MYO5B: variants seen among roughly 807,000 people sequenced by gnomAD.
The protein encoded by MYO5B is unconventional myosin-Vb.
A neutral mutation model predicts 229.3 loss-of-function variants in MYO5B; 143 were observed. The ratio of observed to expected loss-of-function variants is 0.62; its 90% CI spans 0.54 to 0.72. The LOEUF (loss-of-function observed/expected upper bound fraction) is 0.72, where lower values mean the gene tolerates loss of function less well. MYO5B is among the 30% of genes least tolerant of loss of function. The pLI, the probability that MYO5B is intolerant of heterozygous loss-of-function variation, is 0.00. For synonymous variants in MYO5B, 918 were observed against 885.2 expected (o/e 1.04, Z -0.66); for missense variants, 2,321 against 2,331.0 (o/e 1.00, Z 0.09).
Position 49,843,279 on chromosome 18 carries a change from G to A in MYO5B, c.4573C>T (p.Leu1525=). ...TNDDLKVHSL[L]TSTINGIKKV... ...TTAATGCCGTTGATGGTGGAGGTCAGCAGGGAGTGCACCTTGAGATCGTCG... is the reference window on the plus strand; with the variant it reads ...TTAATGCCGTTGATGGTGGAGGTCAACAGGGAGTGCACCTTGAGATCGTCG... Residue 1525 remains leucine (L), a synonymous_variant, in exon 34 of 40, where the codon CTG becomes TTG. Coordinates refer to ENST00000285039, the MANE Select transcript of MYO5B (RefSeq NM_001080467.3). 2 of 1,614,210 alleles carry A rather than the reference G, an allele frequency of 1.2e-6. No homozygotes were observed. The highest frequency in any genetic ancestry group is 2.2e-5 in the South Asian group (2 of 91,082).
chr18:49,835,395 G>A lies in MYO5B; in HGVS notation c.5343C>T (p.Pro1781=), dbSNP rs1293810938. 3 of 1,612,472 alleles carry A rather than the reference G, an allele frequency of 1.9e-6. No individual in the cohort carries two copies. Among genetic ancestry groups the A allele is most frequent in the South Asian group, 1.1e-5 (1 of 91,020 alleles). Residue 1781 remains proline (P), a synonymous_variant, in exon 39 of 40, where the codon CCC becomes CCT. Coordinates refer to ENST00000285039, the MANE Select transcript of MYO5B (RefSeq NM_001080467.3). ...QIVKILNLYT[P]LNEFEERVTV... is the part of the protein sequence containing the mutation. ...TTACCCGTTCTTCAAATTCATTCAGGGGAGTATAAAGGTTTAAAATTTTGA... is the reference window on the plus strand; with the variant it reads ...TTACCCGTTCTTCAAATTCATTCAGAGGAGTATAAAGGTTTAAAATTTTGA...
At chr18:50,049,585 C>G (rs1185859266) in intron 2 of MYO5B, among the ~76,000 whole-genome samples, 1 of 152,224 alleles carries the variant, frequency 6.6e-6, no homozygotes, top group Admixed American at 6.5e-5. Context: ...CCAGCCTTGT[C>G]ACTGTTAACA....
chr18:49,951,746 C>T (rs2025433060), intron 14 of MYO5B, among the ~76,000 whole-genome samples: 1 of 152,186 alleles, frequency 6.6e-6, no homozygotes, highest in African/African-American at 2.4e-5. Flanking sequence ...TCTACTGAGA[C>T]AACAGAGTTT....
At chr18:50,162,414 A>C (rs974421294) in intron 1 of MYO5B, among the ~76,000 whole-genome samples, 2 of 152,168 alleles carry the variant, frequency 1.3e-5, no homozygotes, top group Admixed American at 1.3e-4. Flanking sequence ...GCAGTAAAAC[A>C]TCTAATTTGT....
chr18:50,069,297 C>T (rs1264234935), intron 1 of MYO5B, among the ~76,000 whole-genome samples: 1 of 152,150 alleles, frequency 6.6e-6, no homozygotes, highest in Non-Finnish European at 1.5e-5. Context: ...TTTGGGTTAA[C>T]GCTGAGCTCT....
chr18:50,115,016 C>T (rs1242187601), intron 1 of MYO5B, among the ~76,000 whole-genome samples: 1 of 152,206 alleles, frequency 6.6e-6, no homozygotes, highest in African/African-American at 2.4e-5. Flanking sequence ...AGAGACGAAG[C>T]CAGAGGACAG....
chr18:50,185,647 T>A (rs1444911813), intron 1 of MYO5B, among the ~76,000 whole-genome samples: 1 of 152,196 alleles, frequency 6.6e-6, no homozygotes, highest in African/African-American at 2.4e-5. Flanking sequence ...TTGAACCCCA[T>A]AAATTTGTGC....
chr18:49,906,175 T>C (rs893221889), intron 19 of MYO5B, among the ~76,000 whole-genome samples: 7 of 152,188 alleles, frequency 4.6e-5, no homozygotes, highest in African/African-American at 1.7e-4. Context: ...CTGGTTCTAA[T>C]GCTGGTAGGA....
intron 1 of MYO5B, among the ~76,000 whole-genome samples, chr18:50,167,271 T>A (rs2032865314): frequency 6.6e-6 from 1 of 152,222 alleles, no homozygotes; most frequent in South Asian, 2.1e-4. Flanking sequence ...TACTGAGCAC[T>A]CCCTATGTAT....
chr18:49,840,554 T>C (rs2024043766), intron 35 of MYO5B: 1 of 152,286 alleles, frequency 6.6e-6, no homozygotes. Flanking sequence ...CACTATGTCT[T>C]GACCTTGGGA....
intron 4 of MYO5B, among the ~76,000 whole-genome samples, chr18:50,018,290 A>ATTT (rs5824818): frequency 0.18 from 26,880 of 146,504 alleles, 2,629 homozygotes; most frequent in African/African-American, 0.2. Flanking sequence ...ACATATACCC[A>ATTT]TTTTTTTTTT....
At chr18:49,967,974 G>A (rs2144269836) in intron 10 of MYO5B, among the ~76,000 whole-genome samples, 1 of 152,244 alleles carries the variant, frequency 6.6e-6, no homozygotes, top group East Asian at 1.9e-4. Flanking sequence ...CCAATTCCCA[G>A]CTCGTCTTCA....
chr18:50,087,880 G>C (rs995884465), intron 1 of MYO5B, among the ~76,000 whole-genome samples: 1 of 152,162 alleles, frequency 6.6e-6, no homozygotes, highest in South Asian at 2.1e-4. Context: ...TCATGCTAAC[G>C]GGGAAGCACA....
chr18:49,879,181 GCT>G, intron 23 of MYO5B, 91 bp from the exon 24 acceptor site: 1 of 1,543,174 alleles, frequency 6.5e-7, no homozygotes. Context: ...TTGTTAAGAG[GCT>G]GCCCATGACG....
intron 10 of MYO5B, among the ~76,000 whole-genome samples, chr18:49,964,393 T>TGATG (rs996908422): frequency 3.3e-5 from 5 of 152,100 alleles, no homozygotes; most frequent in Non-Finnish European, 7.4e-5. Context: ...TGTTGATGGG[T>TGATG]GATGCATTTT....
At chr18:49,980,062 C>A (rs995160155) in intron 9 of MYO5B, among the ~76,000 whole-genome samples, 1 of 152,164 alleles carries the variant, frequency 6.6e-6, no homozygotes, top group African/African-American at 2.4e-5. Context: ...GACTATAAGC[C>A]CCTTTGAAGC....
intron 1 of MYO5B, among the ~76,000 whole-genome samples, chr18:50,122,917 T>C (rs965134466): frequency 6.6e-5 from 10 of 152,332 alleles, no homozygotes; most frequent in African/African-American, 2.4e-4. Context: ...TGATGTCACC[T>C]GAGAAAGCTG....
At chr18:50,123,966 A>G (rs1404887257) in intron 1 of MYO5B, among the ~76,000 whole-genome samples, 1 of 152,198 alleles carries the variant, frequency 6.6e-6, no homozygotes, top group Non-Finnish European at 1.5e-5. Context: ...CTCCCAGTCA[A>G]AGCTCAGTGA....
rs143348578 is a variant in MYO5B, at chr18:49,843,995, C to T, written c.4460-603G>A. On this transcript the variant is annotated intron_variant, in intron 33 of 39. Coordinates refer to ENST00000285039, the MANE Select transcript of MYO5B (RefSeq NM_001080467.3). ...AGATCAGGCAGGCCCCCCTTCCCCA[C>T]CCCGGTGCTGCTGCTTGGCATGCAT... Among the ~76,000 whole-genome samples the T allele has an allele frequency of 7.0e-3, 1,059 of 152,362 alleles. 13 individuals are homozygous for T. The highest frequency in any genetic ancestry group is 0.024 in the African/African-American group (989 of 41,588).
Sources: gnomAD v4.1 joint callset for allele counts (sites outside exome capture counted in the v4.1 genomes callset) on GRCh38, gnomAD v4.1.1 for gene constraint, MANE v1.5 for transcripts, NCBI Gene and HGNC (gene_info 2026-07-23, HGNC 2026-07-21) for gene names.